The following BIRC6 variants were observed in gnomAD, a reference collection of about 807,000 sequenced individuals.
BIRC6 encodes baculoviral IAP repeat containing 6.
Under a neutral mutation model 503.3 loss-of-function variants are expected in BIRC6, and 98 were observed. That is an observed-to-expected ratio of 0.19 (90% confidence interval 0.17 to 0.23). The LOEUF (loss-of-function observed/expected upper bound fraction) is 0.23, where lower values mean the gene tolerates loss of function less well. Among genes scored for constraint, BIRC6 ranks in the 10% least tolerant of loss-of-function variants. The pLI is 1.00. For missense variants in BIRC6, 5,360 were observed against 5,806.0 expected (o/e 0.92, Z 2.50); for synonymous variants, 2,240 against 2,078.7 (o/e 1.08, Z -2.11).
At chr2:32,448,650 CGTGGAGA>C (rs1017140821) in intron 21 of BIRC6, 138 bp from the exon 22 acceptor site, 2 of 609,250 alleles carry the variant, frequency 3.3e-6, no homozygotes, top group Non-Finnish European at 5.4e-6. Flanking sequence ...GGAAGGGGAC[CGTGGAGA>C]GGGGAGAGGG....
chr2:32,430,234 T>C (rs1212520498), intron 11 of BIRC6, among the ~76,000 whole-genome samples: 2 of 152,218 alleles, frequency 1.3e-5, no homozygotes, highest in Non-Finnish European at 2.9e-5. Context: ...GCTTAGCATT[T>C]TTTAATGTTA....
intron 23 of BIRC6, among the ~76,000 whole-genome samples, chr2:32,457,012 C>A (rs2047334481): frequency 6.6e-6 from 1 of 152,146 alleles, no homozygotes; most frequent in Admixed American, 6.6e-5. Flanking sequence ...CTGCCCCTGT[C>A]TCCCAAGTAC....
chr2:32,468,874 T>C, intron 29 of BIRC6, 91 bp downstream of exon 29: 1 of 1,029,034 alleles, frequency 9.7e-7, no homozygotes, highest in Non-Finnish European at 1.4e-6. Context: ...TATTTTCTAT[T>C]GTAAATTTTG....
intron 59 of BIRC6, chr2:32,529,040 A>G (rs941094273): frequency 2.0e-5 from 3 of 152,192 alleles, no homozygotes; most frequent in African/African-American, 7.2e-5. Flanking sequence ...CACCATTTTC[A>G]TGCTGTATTA....
At chr2:32,421,603 TAA>T (rs1204684654) in intron 10 of BIRC6, among the ~76,000 whole-genome samples, 1 of 152,242 alleles carries the variant, frequency 6.6e-6, no homozygotes, top group Non-Finnish European at 1.5e-5. Flanking sequence ...AGAGATTATT[TAA>T]AAGTGTTTTG....
At chr2:32,518,154 A>G (rs1274199252) in intron 55 of BIRC6, 100 bp from the exon 56 acceptor site, 1 of 1,188,118 alleles carries the variant, frequency 8.4e-7, no homozygotes, top group African/African-American at 1.6e-5. Context: ...TGATATGTTA[A>G]AATAAACTTA....
intron 66 of BIRC6, among the ~76,000 whole-genome samples, chr2:32,578,758 C>A (rs2060437884): frequency 6.6e-6 from 1 of 151,692 alleles, no homozygotes; most frequent in Non-Finnish European, 1.5e-5. Flanking sequence ...CATCACACTC[C>A]ATTACACTCC....
intron 1 of BIRC6, among the ~76,000 whole-genome samples, chr2:32,360,270 T>C (rs992071342): frequency 6.6e-6 from 1 of 152,220 alleles, no homozygotes; most frequent in African/African-American, 2.4e-5. Context: ...TGTATATGTA[T>C]TGAGTGGCAA....
At chr2:32,388,690 T>C (rs2038829215) in intron 3 of BIRC6, 60 bp from the exon 4 acceptor site, 4 of 1,234,868 alleles carry the variant, frequency 3.2e-6, no homozygotes, top group East Asian at 5.2e-5. Context: ...GGTTAAGTTA[T>C]GATTTTGGTT....
Position 32,608,809 on chromosome 2 carries a change from G to A in BIRC6, c.14259+1166G>A, listed in dbSNP as rs567275153. Among the ~76,000 whole-genome samples the A allele has an allele frequency of 3.6e-3, 542 of 152,196 alleles. 1 individual carries two copies. Among genetic ancestry groups the A allele is most frequent in the African/African-American group, 0.012 (516 of 41,526 alleles). On this transcript the variant is annotated intron_variant, in intron 72 of 73. Coordinates refer to ENST00000421745, the MANE Select transcript of BIRC6 (RefSeq NM_016252.4). ...ATTGAACTGTTTTTTATTGAAGATG[G>A]TTTCTAAAGTTGTCTTGCAAATAGA...
intron 66 of BIRC6, among the ~76,000 whole-genome samples, chr2:32,584,523 A>ATT (rs2060899695): frequency 6.6e-6 from 1 of 152,134 alleles, no homozygotes; most frequent in African/African-American, 2.4e-5. Flanking sequence ...ACAGAATGAT[A>ATT]CTCCGTCTCA....
intron 1 of BIRC6, among the ~76,000 whole-genome samples, chr2:32,369,959 T>A (rs867842940): frequency 2.6e-3 from 123 of 47,252 alleles, no homozygotes; most frequent in African/African-American, 8.2e-3. Flanking sequence ...TATATATATA[T>A]ATATATATAT....
intron 73 of BIRC6, among the ~76,000 whole-genome samples, chr2:32,615,627 A>ATTTAT (rs756137493): frequency 2.0e-5 from 3 of 151,852 alleles, no homozygotes; most frequent in Non-Finnish European, 4.4e-5. Flanking sequence ...TTTAGTTTTT[A>ATTTAT]TTTATTTTAT....
At chr2:32,551,577 C>G (rs1355727316) in intron 65 of BIRC6, among the ~76,000 whole-genome samples, 1 of 152,218 alleles carries the variant, frequency 6.6e-6, no homozygotes, top group Non-Finnish European at 1.5e-5. Flanking sequence ...CCAACACACC[C>G]TGCCTTAAGT....
Position 32,468,422 on chromosome 2 carries a change from CT to C in BIRC6, c.5781-8del. 2 of 1,531,800 alleles carry C rather than the reference CT, an allele frequency of 1.3e-6. No homozygotes were observed. The highest frequency in any genetic ancestry group is 1.8e-6 in the Non-Finnish European group (2 of 1,137,594). 94.9% of individuals were successfully genotyped at this position (1,531,800 alleles called of 1,614,324 possible). ...CATTACAAGAATTATTTTGTTCAAT[CT>C]TTTTTTACTTTAGGTATAACTTGGC... On this transcript the variant is annotated splice_polypyrimidine_tract_variant and intron_variant, in intron 28 of 73. Transcript: ENST00000421745.
At chr2:32,519,903 G>GCAAT (rs2055462254) in intron 57 of BIRC6, among the ~76,000 whole-genome samples, 1 of 152,192 alleles carries the variant, frequency 6.6e-6, no homozygotes, top group African/African-American at 2.4e-5. Context: ...TCTGCAAAGT[G>GCAAT]CAATCACTAT....
At chr2:32,441,700 C>T (rs1310969275) in intron 17 of BIRC6, among the ~76,000 whole-genome samples, 1 of 152,038 alleles carries the variant, frequency 6.6e-6, no homozygotes, top group Non-Finnish European at 1.5e-5. Context: ...TAATTTGACA[C>T]GTACTCGTCA....
chr2:32,420,558 G>T (rs966538806), intron 10 of BIRC6, among the ~76,000 whole-genome samples: 13 of 152,010 alleles, frequency 8.6e-5, no homozygotes, highest in African/African-American at 2.9e-4. Context: ...TTGTCACCCA[G>T]GCTGGAGTGC....
At chr2:32,569,010 G>T (rs1232024829) in intron 65 of BIRC6, among the ~76,000 whole-genome samples, 1 of 142,628 alleles carries the variant, frequency 7.0e-6, no homozygotes, top group Non-Finnish European at 1.5e-5. Context: ...TTGAGATGGA[G>T]TCTCCCTCCG....
Sources: allele counts gnomAD v4.1 joint callset (sites outside exome capture counted in the v4.1 genomes callset), GRCh38; gene constraint gnomAD v4.1.1; transcripts MANE v1.5; gene names NCBI Gene and HGNC (gene_info 2026-07-23, HGNC 2026-07-21).